PAK5: variants seen among roughly 807,000 people sequenced by gnomAD.
The protein encoded by PAK5 is serine/threonine-protein kinase PAK 5.
PAK5 carries 16 observed loss-of-function variants against 65.9 expected under a neutral mutation model. The ratio of observed to expected loss-of-function variants is 0.24; its 90% CI spans 0.16 to 0.37. The LOEUF (loss-of-function observed/expected upper bound fraction) is 0.37. Ranked by LOEUF, PAK5 falls within the 10% of genes least tolerant of loss-of-function variation. The pLI is 1.00. For missense variants in PAK5, 785 were observed against 903.9 expected (o/e 0.87, Z 1.69); for synonymous variants, 371 against 354.9 (o/e 1.05, Z -0.51).
At position 9,749,113 on chromosome 20, in the gene PAK5, G is replaced by T. The variant is rs73895977; in HGVS notation, c.-161-37678C>A. On this transcript the variant is annotated intron_variant, in intron 1 of 9. Coordinates refer to ENST00000353224, the MANE Select transcript of PAK5 (RefSeq NM_177990.4). ...GTATGAATAATATGAAAGCAATTAA[G>T]AAATAACCCCATAGCTGTGCACAAA... Among the ~76,000 whole-genome samples the T allele has an allele frequency of 7.1e-3, 1,082 of 152,174 alleles. 19 individuals are homozygous for T. The highest frequency in any genetic ancestry group is 0.025 in the African/African-American group (1,029 of 41,528).
At chr20:9,597,966 A>G (rs11908391) in intron 3 of PAK5, among the ~76,000 whole-genome samples, 6,656 of 152,274 alleles carry the variant, frequency 0.044, 457 homozygotes, top group African/African-American at 0.15. Flanking sequence ...AAAAAAATTT[A>G]TTTTAAGTTC....
chr20:9,560,289 C>A (rs1412666212), intron 6 of PAK5, among the ~76,000 whole-genome samples: 1 of 152,138 alleles, frequency 6.6e-6, no homozygotes, highest in Non-Finnish European at 1.5e-5. Flanking sequence ...AATAAAAAAC[C>A]CTTCAGTTCT....
chr20:9,747,672 G>A (rs1253828471), intron 1 of PAK5, among the ~76,000 whole-genome samples: 1 of 152,010 alleles, frequency 6.6e-6, no homozygotes, highest in South Asian at 2.1e-4. Flanking sequence ...ATTAGGTATT[G>A]ATGGGACGTA....
intron 1 of PAK5, among the ~76,000 whole-genome samples, chr20:9,779,047 T>C (rs2048914908): frequency 6.6e-6 from 1 of 152,082 alleles, no homozygotes. Context: ...TTAGCGTCTC[T>C]TTTTTTCATG....
chr20:9,818,748 C>A (rs1258098472), intron 1 of PAK5: 1 of 152,110 alleles, frequency 6.6e-6, no homozygotes, highest in Non-Finnish European at 1.5e-5. Context: ...ATTAATTAGG[C>A]TTCTAAGTTT....
chr20:9,778,818 A>G (rs2123692965), intron 1 of PAK5, among the ~76,000 whole-genome samples: 1 of 152,274 alleles, frequency 6.6e-6, no homozygotes, highest in South Asian at 2.1e-4. Flanking sequence ...AGTTTAATAA[A>G]TAATTATAAA....
intron 3 of PAK5, among the ~76,000 whole-genome samples, chr20:9,606,599 A>G (rs1185217152): frequency 6.6e-6 from 1 of 152,214 alleles, no homozygotes; most frequent in Non-Finnish European, 1.5e-5. Context: ...GCACAATCAT[A>G]CAGGTACTAA....
At chr20:9,679,036 T>C (rs540398995) in intron 2 of PAK5, among the ~76,000 whole-genome samples, 3 of 152,178 alleles carry the variant, frequency 2.0e-5, no homozygotes, top group Non-Finnish European at 4.4e-5. Flanking sequence ...CCACCTCTGC[T>C]ACCCCTGAGA....
chr20:9,639,735 A>T (rs1035410679), intron 3 of PAK5, among the ~76,000 whole-genome samples: 3 of 152,232 alleles, frequency 2.0e-5, no homozygotes, highest in Non-Finnish European at 4.4e-5. Flanking sequence ...TGAGTAAGAG[A>T]AGCACAAGGT....
chr20:9,698,286 G>T (rs1343503545), intron 2 of PAK5, among the ~76,000 whole-genome samples: 2 of 151,978 alleles, frequency 1.3e-5, no homozygotes, highest in Non-Finnish European at 2.9e-5. Context: ...AGTTCAGGGT[G>T]GTAGATACTG....
chr20:9,719,715 G>A (rs752120619), intron 1 of PAK5, among the ~76,000 whole-genome samples: 48 of 152,208 alleles, frequency 3.2e-4, no homozygotes, highest in Non-Finnish European at 6.3e-4. Context: ...TGTTTGCCTT[G>A]TAAACTTAAT....
intron 2 of PAK5, among the ~76,000 whole-genome samples, chr20:9,685,709 G>A (rs1170536634): frequency 1.3e-5 from 2 of 152,230 alleles, no homozygotes; most frequent in Non-Finnish European, 2.9e-5. Flanking sequence ...GGGGATAACA[G>A]TATCTGTATA....
chr20:9,757,563 AC>A (rs1379599256), intron 1 of PAK5, among the ~76,000 whole-genome samples: 4 of 152,168 alleles, frequency 2.6e-5, no homozygotes, highest in Non-Finnish European at 4.4e-5. Flanking sequence ...TAAAAGAAAT[AC>A]CAGAGTTCAG....
intron 1 of PAK5, among the ~76,000 whole-genome samples, chr20:9,781,394 G>A (rs965236365): frequency 2.0e-5 from 3 of 152,168 alleles, no homozygotes; most frequent in Admixed American, 6.6e-5. Flanking sequence ...TTAAAAGGAT[G>A]TTGTGTTTGC....
chr20:9,631,928 T>A (rs956672181), intron 3 of PAK5, among the ~76,000 whole-genome samples: 1 of 152,140 alleles, frequency 6.6e-6, no homozygotes, highest in African/African-American at 2.4e-5. Context: ...AATTACACAA[T>A]AAAACACTAA....
intron 1 of PAK5, among the ~76,000 whole-genome samples, chr20:9,807,288 T>C (rs915302761): frequency 4.6e-5 from 7 of 152,210 alleles, no homozygotes; most frequent in Non-Finnish European, 8.8e-5. Flanking sequence ...TTTAGTATCC[T>C]AGTTTCCTCC....
chr20:9,768,148 T>C (rs2048790637), intron 1 of PAK5, among the ~76,000 whole-genome samples: 1 of 152,216 alleles, frequency 6.6e-6, no homozygotes, highest in Non-Finnish European at 1.5e-5. Flanking sequence ...TAATATAATC[T>C]TTAATTCTTT....
chr20:9,678,352 G>A (rs1194765232), intron 2 of PAK5, among the ~76,000 whole-genome samples: 1 of 152,220 alleles, frequency 6.6e-6, no homozygotes, highest in African/African-American at 2.4e-5. Flanking sequence ...TGGATCATGA[G>A]GTCAGGAGAG....
chr20:9,549,650 G>C (rs1241163925), intron 7 of PAK5, among the ~76,000 whole-genome samples: 1 of 152,188 alleles, frequency 6.6e-6, no homozygotes, highest in East Asian at 1.9e-4. Flanking sequence ...TCTGCCAAGA[G>C]GAAAAATTGA....
Sources: allele counts gnomAD v4.1 joint callset (sites outside exome capture counted in the v4.1 genomes callset), GRCh38; gene constraint gnomAD v4.1.1; transcripts MANE v1.5; gene names NCBI Gene and HGNC (gene_info 2026-07-23, HGNC 2026-07-21).